Variants in EML6 observed in about 807,000 individuals in gnomAD.
EML6 encodes EMAP like 6, also known as echinoderm microtubule-associated protein-like 6.
A neutral mutation model predicts 240.1 loss-of-function variants in EML6; 154 were observed. The ratio of observed to expected loss-of-function variants is 0.64; its 90% CI spans 0.56 to 0.73. The LOEUF (loss-of-function observed/expected upper bound fraction) is 0.73. Ranked by LOEUF, EML6 falls within the 30% of genes least tolerant of loss-of-function variation. EML6 has a pLI of 0.00. For synonymous variants in EML6, 1,148 were observed against 899.0 expected, an observed-to-expected ratio of 1.28 and a Z score of -4.95; for missense variants, 2,964 against 2,474.6, an observed-to-expected ratio of 1.20 and a Z score of -4.20.
intron 28 of EML6, among the ~76,000 whole-genome samples, chr2:54,938,115 G>A (rs1409983670): frequency 6.6e-6 from 1 of 152,180 alleles, no homozygotes; most frequent in Non-Finnish European, 1.5e-5. Flanking sequence ...GGAGGCCGAG[G>A]CGGGCAGATC....
chr2:54,958,779 C>T (rs944463986), intron 33 of EML6, among the ~76,000 whole-genome samples: 2 of 152,138 alleles, frequency 1.3e-5, no homozygotes, highest in African/African-American at 4.8e-5. Flanking sequence ...AGGAAAGTGT[C>T]CTTTGGCCTG....
At position 54,960,352 on chromosome 2, in the gene EML6, C is replaced by T. The variant is rs764395691; in HGVS notation, c.4968+18C>T. The T allele has an allele frequency of 3.7e-5, 57 of 1,534,860 alleles. No individual in the cohort carries two copies. The African/African-American group carries it at 7.0e-4, about 19-fold the overall frequency. ...GTGGAAAAGTGAGCACAGCCAGCTC[C>T]CCTGGGGGCTGGGCCAGGGAAGGGG... On this transcript the variant is annotated intron_variant, in intron 35 of 41. Coordinates refer to ENST00000356458, the MANE Select transcript of EML6 (RefSeq NM_001039753.4).
At position 54,928,515 on chromosome 2, in the gene EML6, G is replaced by A. The variant is rs549367148; in HGVS notation, c.3877+1G>A. On this transcript the variant is annotated splice_donor_variant, in intron 27 of 41. Coordinates refer to ENST00000356458, the MANE Select transcript of EML6 (RefSeq NM_001039753.4). LOFTEE classifies it high-confidence loss of function. ...GACACCGACGTGGAAGAGGATGGAG[G>A]TGAGCCCCCCACCTGCCACATGCCT... 1 of 1,544,740 alleles carries A rather than the reference G, an allele frequency of 6.5e-7. No individual in the cohort carries two copies. Among genetic ancestry groups the A allele is most frequent in the African/African-American group, 1.4e-5 (1 of 73,050 alleles).
At chr2:54,837,129 G>A (rs1233636811) in intron 7 of EML6, among the ~76,000 whole-genome samples, 1 of 152,038 alleles carries the variant, frequency 6.6e-6, no homozygotes, top group Non-Finnish European at 1.5e-5. Context: ...TTGCACTCAA[G>A]GCATTCCCTG....
At chr2:54,726,534 T>G (rs1682916542) in intron 2 of EML6, among the ~76,000 whole-genome samples, 1 of 152,198 alleles carries the variant, frequency 6.6e-6, no homozygotes, top group African/African-American at 2.4e-5. Flanking sequence ...AATCTTGACT[T>G]TTTTTGAAGA....
At chr2:54,739,032 C>T (rs913691507) in intron 2 of EML6, among the ~76,000 whole-genome samples, 8 of 152,096 alleles carry the variant, frequency 5.3e-5, no homozygotes, top group Non-Finnish European at 8.8e-5. Context: ...CACATGAGAC[C>T]AGGAGTTTGA....
At chr2:54,930,128 G>C (rs1279430489) in intron 28 of EML6, among the ~76,000 whole-genome samples, 1 of 151,930 alleles carries the variant, frequency 6.6e-6, no homozygotes, top group Non-Finnish European at 1.5e-5. Context: ...TTCATTTCTA[G>C]TTTCACATAC....
intron 2 of EML6, among the ~76,000 whole-genome samples, chr2:54,783,969 G>T (rs1266250867): frequency 1.3e-5 from 2 of 151,796 alleles, no homozygotes; most frequent in Non-Finnish European, 2.9e-5. Context: ...TTTTTTTTGA[G>T]ATAAGGTCTT....
rs117503435 is a variant in EML6, at chr2:54,916,777, G to A, written c.3517G>A (p.Asp1173Asn). Residue 1173 changes from aspartate to asparagine, a missense_variant, in exon 26 of 42, where the codon GAC (aspartate) becomes AAC (asparagine). By Grantham distance (23) the Asp-to-Asn change is conservative. Coordinates refer to ENST00000356458, the MANE Select transcript of EML6 (RefSeq NM_001039753.4). The stretch of plus-strand genomic sequence containing the variant: ...TTTTCAGATCGAGAAGATAGAGTGG[G>A]ACACATGGACCTGTGTCCTGGGGCC... Reference protein sequence around the residue: ...RPSEIEKIEWDTWTCVLGPTC... With the variant: ...RPSEIEKIEWNTWTCVLGPTC... 1.3e-6 allele frequency: 2 copies of A among 1,522,060 alleles called. No individual in the cohort carries two copies. Among genetic ancestry groups the A allele is most frequent in the East Asian group, 5.0e-5 (2 of 40,380 alleles). 94.3% of individuals were successfully genotyped at this position (1,522,060 alleles called of 1,614,324 possible).
At chr2:54,887,754 G>T (rs535517179) in intron 17 of EML6, among the ~76,000 whole-genome samples, 1 of 151,958 alleles carries the variant, frequency 6.6e-6, no homozygotes, top group Non-Finnish European at 1.5e-5. Flanking sequence ...TTTTTAAATA[G>T]ATTTTATATT....
intron 24 of EML6, 149 bp downstream of exon 24, chr2:54,903,651 G>C (rs1673173161): frequency 1.4e-6 from 1 of 694,514 alleles, no homozygotes; most frequent in Non-Finnish European, 2.3e-6. Flanking sequence ...TTACAACCCA[G>C]AGGCAGCTGC....
At chr2:54,737,121 CTG>C (rs1459184464) in intron 2 of EML6, among the ~76,000 whole-genome samples, 1 of 152,112 alleles carries the variant, frequency 6.6e-6, no homozygotes, top group Admixed American at 6.5e-5. Context: ...CTTTGTGTCA[CTG>C]TTAAATATTC....
rs1668663134 is a variant in EML6, at chr2:54,827,689, A to C, written c.649A>C (p.Asn217His). ...AGACATCACCTACTCTGGTGCTTTA[A>C]ATGGTGACATCTATGTCTGGAAAGG... ...KEDITYSGALNGDIYVWKGLN... is the reference protein window; with the variant it reads ...KEDITYSGALHGDIYVWKGLN... The change falls in exon 6 of 42, where the codon AAT becomes CAT. Residue 217 changes from asparagine (N) to histidine (H), a missense_variant. Transcript: ENST00000356458. The C allele has an allele frequency of 1.3e-6, 2 of 1,551,556 alleles. No homozygotes were observed. Among genetic ancestry groups the C allele is most frequent in the African/African-American group, 1.4e-5 (1 of 73,032 alleles).
In EML6 at chr2:54,849,981, C is replaced by A; in HGVS notation, c.1207C>A (p.His403Asn). Residue 403 changes from histidine (H) to asparagine (N), a missense_variant, in exon 10 of 42, where the codon CAC (histidine) becomes AAC (asparagine). Transcript: ENST00000356458. ...LRVRDMTEVVHIKDRKEVIHE... is the reference protein window; with the variant it reads ...LRVRDMTEVVNIKDRKEVIHE... ...TTACAGAGATATGACAGAAGTAGTT[C>A]ACATCAAAGATCGAAAAGAAGTCAT... 6.4e-7 allele frequency: 1 copy of A among 1,551,198 alleles called. No homozygotes were observed.
chr2:54,953,902 A>AAG, intron 31 of EML6, 81 bp from the exon 32 acceptor site: 2 of 1,097,902 alleles, frequency 1.8e-6, no homozygotes, highest in Non-Finnish European at 2.5e-6. Flanking sequence ...AAAAAAAAAA[A>AAG]GGCTTTTACA....
At chr2:54,792,871 G>C (rs1282232501) in intron 2 of EML6, among the ~76,000 whole-genome samples, 2 of 152,170 alleles carry the variant, frequency 1.3e-5, no homozygotes, top group Non-Finnish European at 2.9e-5. Context: ...ATTGGAAGTA[G>C]TAGTTACTTC....
intron 16 of EML6, among the ~76,000 whole-genome samples, 179 bp from the exon 17 acceptor site, chr2:54,879,368 G>A (rs1039899649): frequency 1.3e-5 from 2 of 152,170 alleles, no homozygotes; most frequent in Admixed American, 1.3e-4. Context: ...TGTTTATAGA[G>A]TATAGTGTGA....
chr2:54,886,900 A>G (rs1672175772), intron 17 of EML6, among the ~76,000 whole-genome samples: 1 of 152,214 alleles, frequency 6.6e-6, no homozygotes, highest in Admixed American at 6.5e-5. Flanking sequence ...AAAAGATAAA[A>G]TCGGTGGTAT....
At chr2:54,883,344 A>G (rs1558646976) in intron 17 of EML6, among the ~76,000 whole-genome samples, 1 of 151,924 alleles carries the variant, frequency 6.6e-6, no homozygotes, top group Non-Finnish European at 1.5e-5. Context: ...GTTCTATATT[A>G]TTCTATATTT....
Sources: gnomAD v4.1 joint callset for allele counts (sites outside exome capture counted in the v4.1 genomes callset) on GRCh38, gnomAD v4.1.1 for gene constraint, MANE v1.5 for transcripts, NCBI Gene and HGNC (gene_info 2026-07-23, HGNC 2026-07-21) for gene names.